The following NALCN variants were observed in gnomAD, a reference collection of about 807,000 sequenced individuals.
NALCN encodes the protein sodium leak channel NALCN.
NALCN carries 111 observed loss-of-function variants against 225.3 expected under a neutral mutation model. That is an observed-to-expected ratio of 0.49 (90% CI 0.42 to 0.58). The LOEUF (loss-of-function observed/expected upper bound fraction) is 0.58, where lower values mean the gene tolerates loss of function less well. NALCN is among the 20% of genes least tolerant of loss of function. NALCN has a pLI of 0.00. For missense variants in NALCN, 1,378 were observed against 2,202.4 expected (o/e 0.63, Z 7.49); for synonymous variants, 764 against 769.0 (o/e 0.99, Z 0.11).
At chr13:101,118,574 G>C (rs2035825985) in intron 18 of NALCN, among the ~76,000 whole-genome samples, 1 of 151,954 alleles carries the variant, frequency 6.6e-6, no homozygotes, top group South Asian at 2.1e-4. Context: ...TATCTACTTA[G>C]CTTATTTCCA....
At chr13:101,131,384 T>C (rs1012987893) in intron 17 of NALCN, among the ~76,000 whole-genome samples, 1 of 152,194 alleles carries the variant, frequency 6.6e-6, no homozygotes, top group African/African-American at 2.4e-5. Flanking sequence ...TACTCATTTT[T>C]ATACAAAATT....
At chr13:101,324,152 T>C (rs2044857461) in intron 7 of NALCN, among the ~76,000 whole-genome samples, 1 of 152,224 alleles carries the variant, frequency 6.6e-6, no homozygotes, top group African/African-American at 2.4e-5. Context: ...ACTTCATAAT[T>C]GTATGACATT....
intron 6 of NALCN, among the ~76,000 whole-genome samples, chr13:101,364,809 C>T (rs950468033): frequency 2.0e-5 from 3 of 152,002 alleles, no homozygotes; most frequent in African/African-American, 7.2e-5. Context: ...GATTATTATG[C>T]CTTACATCAA....
intron 17 of NALCN, among the ~76,000 whole-genome samples, chr13:101,130,597 T>C (rs1366033656): frequency 6.6e-6 from 1 of 152,222 alleles, no homozygotes; most frequent in Admixed American, 6.5e-5. Context: ...ACCTTGAAAG[T>C]TGAAAGTCAG....
chr13:101,230,071 C>T (rs1053910961), intron 12 of NALCN, among the ~76,000 whole-genome samples: 2 of 152,162 alleles, frequency 1.3e-5, no homozygotes, highest in African/African-American at 4.8e-5. Flanking sequence ...TTGCATACAA[C>T]TACCTTCAGG....
At chr13:101,213,678 A>C (rs1301494725) in intron 13 of NALCN, among the ~76,000 whole-genome samples, 2 of 152,192 alleles carry the variant, frequency 1.3e-5, no homozygotes, top group Non-Finnish European at 2.9e-5. Context: ...ATGCAGCCAA[A>C]AGACACATGA....
At chr13:101,063,096 G>A (rs1478715977) in intron 40 of NALCN, among the ~76,000 whole-genome samples, 1 of 152,180 alleles carries the variant, frequency 6.6e-6, no homozygotes, top group African/African-American at 2.4e-5. Context: ...AGCCCCTCTT[G>A]GCAGTGTGAT....
At position 101,059,876 on chromosome 13, in the gene NALCN, G is replaced by T. The variant is rs202048022; in HGVS notation, c.4847C>A (p.Thr1616Asn). 1 of 1,614,004 alleles carries T rather than the reference G, an allele frequency of 6.2e-7. No individual in the cohort carries two copies. Among genetic ancestry groups the T allele is most frequent in the African/African-American group, 1.3e-5 (1 of 74,998 alleles). ...ATTCGTGTCCTCACTGGGCTGGGTGGTCTCGATGCTGGGCGGGTTCAGAAA... is the reference window on the plus strand; with the variant it reads ...ATTCGTGTCCTCACTGGGCTGGGTGTTCTCGATGCTGGGCGGGTTCAGAAA... ...SRFLNPPSIETTQPSEDTNAN... is the reference protein window; with the variant it reads ...SRFLNPPSIENTQPSEDTNAN... The change falls in exon 42 of 44, where the codon ACC becomes AAC. Residue 1616 changes from threonine to asparagine, a missense_variant. Around this residue, in one of 19 missense-constraint regions of NALCN, gnomAD observed 145 missense variants for 169.6 expected, o/e 0.85. Transcript: ENST00000251127.
chr13:101,060,742 G>A (rs534597503), intron 41 of NALCN, among the ~76,000 whole-genome samples: 2 of 152,202 alleles, frequency 1.3e-5, no homozygotes, highest in Non-Finnish European at 2.9e-5. Flanking sequence ...GAAAACCTTT[G>A]TGCTTGTCTT....
At chr13:101,093,504 C>CTG (rs2034342240) in intron 28 of NALCN, among the ~76,000 whole-genome samples, 1 of 152,188 alleles carries the variant, frequency 6.6e-6, no homozygotes, top group Non-Finnish European at 1.5e-5. Context: ...GAGAAATGGA[C>CTG]AAGAGCACTT....
rs189857949 is a variant in NALCN at position 101,177,667 on chromosome 13, C to T, written c.1765-1293G>A. Among the ~76,000 whole-genome samples, 234 of 152,104 alleles carry T rather than the reference C, an allele frequency of 1.5e-3. 2 individuals are homozygous for T. The highest frequency in any genetic ancestry group is 2.5e-3 in the South Asian group (12 of 4,816). ...AATATTTTACGCTGTAGTCCCTCTT[C>T]AACTTTGAATTTTTTTAAGTCCCAT... On this transcript the variant is annotated intron_variant, in intron 14 of 43. Coordinates refer to ENST00000251127, the MANE Select transcript of NALCN (RefSeq NM_052867.4).
intron 34 of NALCN, among the ~76,000 whole-genome samples, chr13:101,079,086 T>G (rs1216578500): frequency 6.6e-6 from 1 of 152,252 alleles, no homozygotes; most frequent in African/African-American, 2.4e-5. Context: ...GTAAGTTGCC[T>G]GGGGCCTTCC....
At chr13:101,119,341 A>T (rs374851011) in intron 18 of NALCN, among the ~76,000 whole-genome samples, 76 of 152,346 alleles carry the variant, frequency 5.0e-4, no homozygotes, top group African/African-American at 1.7e-3. Context: ...TAAACTAAAG[A>T]CTATTCCTTA....
At chr13:101,210,496 G>A (rs1408559237) in intron 13 of NALCN, among the ~76,000 whole-genome samples, 2 of 152,088 alleles carry the variant, frequency 1.3e-5, no homozygotes, top group Non-Finnish European at 2.9e-5. Context: ...TAACTTGTCG[G>A]TTTGTCTTAT....
Position 101,104,437 on chromosome 13 carries a change from C to A in NALCN, c.2758-11G>T, listed in dbSNP as rs1441468511. On this transcript the variant is annotated splice_polypyrimidine_tract_variant and intron_variant, in intron 24 of 43. Transcript: ENST00000251127. The surrounding 1 kb of genome is among the most constrained non-coding windows in gnomAD (Gnocchi z 4.2). ...CACATACTCAGCAATCTGAAACGGGCAAAAGGCAGTTTGGTTACAATGAAC... is the reference window on the plus strand; with the variant it reads ...CACATACTCAGCAATCTGAAACGGGAAAAAGGCAGTTTGGTTACAATGAAC... The A allele has an allele frequency of 1.2e-6, 2 of 1,612,332 alleles. No homozygotes were observed. Among genetic ancestry groups the A allele is most frequent in the South Asian group, 2.2e-5 (2 of 90,872 alleles).
At chr13:101,183,287 G>A (rs1044212782) in intron 14 of NALCN, among the ~76,000 whole-genome samples, 3 of 152,090 alleles carry the variant, frequency 2.0e-5, no homozygotes, top group Non-Finnish European at 2.9e-5. Flanking sequence ...ATATTAAAAC[G>A]GTATTGATGT....
At chr13:101,415,240 T>TACATACA (rs2047908875) in intron 1 of NALCN, among the ~76,000 whole-genome samples, 1 of 145,070 alleles carries the variant, frequency 6.9e-6, no homozygotes, top group Admixed American at 6.9e-5. Flanking sequence ...CATATATATT[T>TACATACA]CAAAATCGCC....
chr13:101,054,831 G>GATCA lies in NALCN; in HGVS notation c.*460_*463dup, dbSNP rs1236188555. 1 of 152,826 alleles carries GATCA rather than the reference G, an allele frequency of 6.5e-6. No individual in the cohort carries two copies. Among genetic ancestry groups the GATCA allele is most frequent in the Non-Finnish European group, 1.5e-5 (1 of 68,616 alleles). The allele number at this position is 152,826 out of a possible 1,614,324, so 9.5% of individuals were successfully genotyped here. Reference sequence around the variant, plus strand: ...CATAAGTTCAGTGCTGACCTTTTCAGATCAATCATAAATAATAAATTCTCT... The same window carrying GATCA: ...CATAAGTTCAGTGCTGACCTTTTCAGATCAATCAATCATAAATAATAAATTCTCT... On this transcript the variant is annotated 3_prime_UTR_variant, in exon 44 of 44. Transcript: ENST00000251127.
intron 7 of NALCN, among the ~76,000 whole-genome samples, chr13:101,309,411 A>G (rs1445646333): frequency 6.6e-6 from 1 of 152,248 alleles, no homozygotes; most frequent in Non-Finnish European, 1.5e-5. Flanking sequence ...GTTCATGACC[A>G]TAATGAATGG....
Sources: allele counts gnomAD v4.1 joint callset (sites outside exome capture counted in the v4.1 genomes callset), GRCh38; gene constraint gnomAD v4.1.1; regional missense constraint gnomAD v4.1.1; non-coding constraint Gnocchi (gnomAD v3.1); transcripts MANE v1.5; gene names NCBI Gene and HGNC (gene_info 2026-07-23, HGNC 2026-07-21).